PRMT2: variants seen among roughly 807,000 people sequenced by gnomAD.
The protein encoded by PRMT2 is protein arginine N-methyltransferase 2.
In PRMT2, 26 loss-of-function variants were observed where a neutral mutation model predicts 57.6. That is an observed-to-expected ratio of 0.45 (90% CI 0.33 to 0.63). The LOEUF is 0.63. PRMT2 is among the 20% of genes least tolerant of loss of function. The pLI, the probability that PRMT2 is intolerant of heterozygous loss-of-function variation, is 0.02. For missense variants in PRMT2, 472 were observed against 564.4 expected, an observed-to-expected ratio of 0.84 and a Z score of 1.66; for synonymous variants, 219 against 220.0, an observed-to-expected ratio of 1.00 and a Z score of 0.04.
intron 3 of PRMT2, among the ~76,000 whole-genome samples, chr21:46,641,426 G>A (rs980967107): frequency 3.9e-5 from 6 of 152,198 alleles, no homozygotes; most frequent in African/African-American, 4.8e-5. Flanking sequence ...GGTGGCCCAC[G>A]CCTGTGATGC....
chr21:46,640,749 C>G (rs946873198), intron 3 of PRMT2, among the ~76,000 whole-genome samples: 1 of 151,034 alleles, frequency 6.6e-6, no homozygotes, highest in Non-Finnish European at 1.5e-5. Context: ...ATTATCTCTT[C>G]ATTTATTTTT....
chr21:46,664,517 G>A lies in PRMT2; in HGVS notation c.*190G>A, dbSNP rs1296800474. 7.2e-6 allele frequency: 5 copies of A among 695,118 alleles called. No individual in the cohort carries two copies. Among genetic ancestry groups the A allele is most frequent in the Non-Finnish European group, 1.2e-5 (5 of 401,062 alleles). The allele number at this position is 695,118 out of a possible 1,614,324, so 43.1% of individuals were successfully genotyped here. On this transcript the variant is annotated 3_prime_UTR_variant, in exon 12 of 12. Transcript: ENST00000355680. Reference sequence around the variant, plus strand: ...ACAAACACGCTTGGGCTCGGCAGGAGCTGCCGTGGCCACCCCCGCTGCCCA... The same window carrying A: ...ACAAACACGCTTGGGCTCGGCAGGAACTGCCGTGGCCACCCCCGCTGCCCA...
Position 46,649,636 on chromosome 21 carries a change from G to C in PRMT2, c.551G>C (p.Gly184Ala). 6.2e-7 allele frequency: 1 copy of C among 1,614,126 alleles called. No individual in the cohort carries two copies. The highest frequency in any genetic ancestry group is 8.5e-7 in the Non-Finnish European group (1 of 1,180,036). Residue 184 changes from glycine (G) to alanine (A), a missense_variant, in exon 7 of 12, where the codon GGC becomes GCC. Physicochemically the swap from Gly to Ala is moderately conservative, Grantham distance 60. Coordinates refer to ENST00000355680, the MANE Select transcript of PRMT2 (RefSeq NM_206962.4). The surrounding 1 kb of genome is among the most constrained non-coding windows in gnomAD (Gnocchi z 4.8). ...ACGGGGCAGCTGGTCCTGCAGAACG[G>C]CTTTGCTGACATCATCACCGTGTAC... ...QHTGQLVLQN[G>A]FADIITVYQQ...
chr21:46,657,960 T>A (rs751316066), intron 7 of PRMT2: 3 of 152,266 alleles, frequency 2.0e-5, no homozygotes, highest in Non-Finnish European at 2.9e-5. Flanking sequence ...CTAAGTTTTC[T>A]ACATTTTCCG....
intron 8 of PRMT2, among the ~76,000 whole-genome samples, chr21:46,660,357 T>G (rs1354349553): frequency 6.6e-6 from 1 of 152,194 alleles, no homozygotes; most frequent in Non-Finnish European, 1.5e-5. Flanking sequence ...CCTCAGCCCT[T>G]CTAGTTCCTT....
intron 3 of PRMT2, among the ~76,000 whole-genome samples, chr21:46,641,625 G>C (rs1033915857): frequency 6.6e-6 from 1 of 152,134 alleles, no homozygotes; most frequent in Non-Finnish European, 1.5e-5. Flanking sequence ...TGGGGAGGTG[G>C]AGGTTGCAGT....
chr21:46,657,442 A>C (rs907856494), intron 7 of PRMT2: 1 of 152,138 alleles, frequency 6.6e-6, no homozygotes, highest in Non-Finnish European at 1.5e-5. Context: ...CCTTAAGGAT[A>C]AACTGGTGCG....
chr21:46,644,534 C>T (rs1265157096), intron 5 of PRMT2, 46 bp downstream of exon 5: 2 of 1,530,500 alleles, frequency 1.3e-6, no homozygotes, highest in East Asian at 4.6e-5. Flanking sequence ...GCGGTGGGTT[C>T]TCTCTAGCTT....
chr21:46,659,552 A>G (rs1349656484), intron 8 of PRMT2: 3 of 951,680 alleles, frequency 3.2e-6, no homozygotes, highest in African/African-American at 1.8e-5. Flanking sequence ...CAATAAATAT[A>G]TGAAAAATTA....
rs750168515 is a variant in PRMT2 at position 46,652,003 on chromosome 21, C to G, written c.654+2264C>G. ...ATCTCTCCTGGCCCATCTTCCTACT[C>G]TGACGCTGACATGTAGTAAAAGTCT... is the stretch of plus-strand genomic sequence containing the variant. On this transcript the variant is annotated intron_variant, in intron 7 of 11. Transcript: ENST00000355680. The G allele has an allele frequency of 4.4e-5, 71 of 1,613,142 alleles. No homozygotes were observed. In the South Asian group the frequency reaches 7.7e-4, roughly 17 times the overall value.
At chr21:46,650,309 C>T (rs903396857) in intron 7 of PRMT2, among the ~76,000 whole-genome samples, 3 of 152,064 alleles carry the variant, frequency 2.0e-5, no homozygotes, top group Non-Finnish European at 4.4e-5. Flanking sequence ...TTCCTGGGCT[C>T]AGCATCCTGG....
In PRMT2 at chr21:46,664,394, T is replaced by C. The variant is rs1314170770; in HGVS notation, c.*67T>C. The C allele has an allele frequency of 6.2e-7, 1 of 1,603,382 alleles. No homozygotes were observed. Among genetic ancestry groups the C allele is most frequent in the Non-Finnish European group, 8.5e-7 (1 of 1,170,792 alleles). On this transcript the variant is annotated 3_prime_UTR_variant, in exon 12 of 12. Transcript: ENST00000355680. ...GGGTGATGAACACAAGCAAACCAAG[T>C]TGCACCTGGCTTCTGCACACTCCTG... is the stretch of plus-strand genomic sequence containing the variant.
intron 7 of PRMT2, chr21:46,653,291 A>G (rs889886857): frequency 2.3e-5 from 23 of 985,314 alleles, no homozygotes; most frequent in Non-Finnish European, 2.5e-5. Context: ...AGTCTTTATA[A>G]GTCAGCTCAT....
intron 9 of PRMT2, 73 bp downstream of exon 9, chr21:46,661,035 T>TA (rs560389125): frequency 5.2e-4 from 773 of 1,480,342 alleles, no homozygotes; most frequent in Non-Finnish European, 6.5e-4. Context: ...GAGCCTGGCT[T>TA]ATCAAAAACC....
rs2061400502 is a variant in PRMT2 at position 46,648,603 on chromosome 21, A to G, written c.473A>G (p.Tyr158Cys). The G allele has an allele frequency of 3.1e-6, 5 of 1,613,994 alleles. No homozygotes were observed. Among genetic ancestry groups the G allele is most frequent in the Admixed American group, 1.7e-5 (1 of 60,010 alleles). ...TGIISLFCAH[Y>C]ARPRAVYAVE... The stretch of plus-strand genomic sequence containing the variant: ...ATCATCAGTCTCTTCTGTGCACACT[A>G]TGCGCGGCCTAGAGCGGTGAGTGGG... The change falls in exon 6 of 12, where the codon TAT (tyrosine) becomes TGT (cysteine). Residue 158 changes from tyrosine to cysteine, a missense_variant. This residue lies in a region of PRMT2 where 243 missense variants were observed against 347.2 expected (regional missense o/e 0.70). Coordinates refer to ENST00000355680, the MANE Select transcript of PRMT2 (RefSeq NM_206962.4). The surrounding 1 kb of genome is among the most constrained non-coding windows in gnomAD (Gnocchi z 4.8).
In PRMT2 at chr21:46,644,466, A is replaced by T. The variant is rs2061330966; in HGVS notation, c.305A>T (p.Tyr102Phe). Residue 102 changes from tyrosine to phenylalanine, a missense_variant, in exon 5 of 12, where the codon TAC (tyrosine) becomes TTC (phenylalanine). Tyr to Phe is a conservative substitution (Grantham distance 22). Transcript: ENST00000355680. ...DPEDTWQDEE[Y>F]FGSYGTLKLH... is the part of the protein sequence containing the mutation. ...GAGGACACGTGGCAGGATGAAGAGT[A>T]CTTCGGCAGCTATGGAACTCTGGTA... 6 of 1,586,674 alleles carry T rather than the reference A, an allele frequency of 3.8e-6. No individual in the cohort carries two copies. In the East Asian group the frequency reaches 1.4e-4, roughly 36 times the overall value.
intron 3 of PRMT2, among the ~76,000 whole-genome samples, chr21:46,639,397 T>C (rs1163965084): frequency 1.3e-5 from 2 of 152,130 alleles, no homozygotes; most frequent in Non-Finnish European, 2.9e-5. Flanking sequence ...TCTATATCTT[T>C]TCTGATTTTT....
intron 3 of PRMT2, among the ~76,000 whole-genome samples, chr21:46,640,258 A>C (rs1395790527): frequency 6.6e-6 from 1 of 152,130 alleles, no homozygotes; most frequent in Non-Finnish European, 1.5e-5. Flanking sequence ...TTTTTTATGA[A>C]GTAAAATAAA....
At chr21:46,654,924 C>T (rs901375097) in intron 7 of PRMT2, 2 of 983,880 alleles carry the variant, frequency 2.0e-6, no homozygotes, top group Non-Finnish European at 2.4e-6. Context: ...TATGTATGTA[C>T]ATAGAGTGTA....
Sources: allele counts gnomAD v4.1 joint callset (sites outside exome capture counted in the v4.1 genomes callset), GRCh38; gene constraint gnomAD v4.1.1; regional missense constraint gnomAD v4.1.1; non-coding constraint Gnocchi (gnomAD v3.1); transcripts MANE v1.5; gene names NCBI Gene and HGNC (gene_info 2026-07-23, HGNC 2026-07-21).